The following LRBA variants were observed in gnomAD, a reference collection of about 807,000 sequenced individuals.
LRBA encodes LPS responsive beige-like anchor protein.
LRBA carries 176 observed loss-of-function variants against 330.0 expected under a neutral mutation model. The ratio of observed to expected loss-of-function variants is 0.53; its 90% CI spans 0.47 to 0.60. The LOEUF is 0.60. LRBA is among the 20% of genes least tolerant of loss of function. LRBA has a pLI of 0.00. For synonymous variants in LRBA, 1,230 were observed against 1,193.0 expected, an observed-to-expected ratio of 1.03 and a Z score of -0.64; for missense variants, 3,259 against 3,444.8, an observed-to-expected ratio of 0.95 and a Z score of 1.35.
At chr4:150,767,173 T>C (rs1238786277) in intron 34 of LRBA, among the ~76,000 whole-genome samples, 1 of 152,136 alleles carries the variant, frequency 6.6e-6, no homozygotes, top group East Asian at 1.9e-4. Context: ...AAGATACCAA[T>C]TAACACACTA....
chr4:150,846,531 A>G (rs1258818954), intron 26 of LRBA, among the ~76,000 whole-genome samples: 1 of 147,272 alleles, frequency 6.8e-6, no homozygotes, highest in Non-Finnish European at 1.5e-5. Context: ...TCCATCTCCA[A>G]AAAAAAAAAA....
chr4:150,938,443 A>T (rs555887673), intron 2 of LRBA, among the ~76,000 whole-genome samples: 1 of 152,168 alleles, frequency 6.6e-6, no homozygotes, highest in Admixed American at 6.5e-5. Flanking sequence ...CTCCCAGGTT[A>T]TATTTCCTTC....
At chr4:150,694,383 A>G (rs566266828) in intron 36 of LRBA, among the ~76,000 whole-genome samples, 2 of 137,022 alleles carry the variant, frequency 1.5e-5, no homozygotes, top group Non-Finnish European at 3.1e-5. Context: ...CTTCAGGGAC[A>G]ATAAATGAAG....
At position 150,710,483 on chromosome 4, in the gene LRBA, C is replaced by A. The variant is rs573047860; in HGVS notation, c.5754+24775G>T. Among the ~76,000 whole-genome samples the A allele has an allele frequency of 4.6e-5, 7 of 151,768 alleles. No individual in the cohort carries two copies. In the South Asian group the frequency reaches 1.0e-3, roughly 23 times the overall value. On this transcript the variant is annotated intron_variant, in intron 36 of 56. Coordinates refer to ENST00000651943, the MANE Select transcript of LRBA (RefSeq NM_001364905.1). ...AAATCAGAAAGTTTTAGATAATAAACAAATGCTAACAAAAATAGGGGGAAG... is the reference window on the plus strand; with the variant it reads ...AAATCAGAAAGTTTTAGATAATAAAAAAATGCTAACAAAAATAGGGGGAAG...
chr4:150,847,492 T>A (rs1337618472), intron 26 of LRBA, among the ~76,000 whole-genome samples: 2 of 152,192 alleles, frequency 1.3e-5, no homozygotes, highest in Non-Finnish European at 2.9e-5. Context: ...CAGGTATACA[T>A]TAGTTTATGT....
At chr4:150,643,864 T>G (rs1778900123) in intron 37 of LRBA, among the ~76,000 whole-genome samples, 1 of 152,032 alleles carries the variant, frequency 6.6e-6, no homozygotes. Context: ...GAATAAATTT[T>G]TATTGGAACA....
chr4:150,903,201 G>T (rs1302768570), intron 13 of LRBA, among the ~76,000 whole-genome samples: 1 of 152,078 alleles, frequency 6.6e-6, no homozygotes, highest in Non-Finnish European at 1.5e-5. Context: ...AAACAACAAA[G>T]CAAGACCCTA....
At chr4:150,923,003 G>A (rs917438085) in intron 4 of LRBA, among the ~76,000 whole-genome samples, 8 of 151,998 alleles carry the variant, frequency 5.3e-5, no homozygotes, top group African/African-American at 1.9e-4. Context: ...CTATACAGAT[G>A]CTCCTCAACT....
intron 40 of LRBA, among the ~76,000 whole-genome samples, chr4:150,525,901 G>A (rs947668731): frequency 6.6e-6 from 1 of 151,692 alleles, no homozygotes; most frequent in Non-Finnish European, 1.5e-5. Context: ...CTTCAATCTT[G>A]CTATTAGAAG....
chr4:150,724,101 C>A (rs906114580), intron 36 of LRBA, among the ~76,000 whole-genome samples: 1 of 152,180 alleles, frequency 6.6e-6, no homozygotes, highest in African/African-American at 2.4e-5. Flanking sequence ...CCAGACAGCA[C>A]TTTGGACATT....
chr4:150,773,438 A>G (rs1176206749), intron 34 of LRBA, among the ~76,000 whole-genome samples: 1 of 152,232 alleles, frequency 6.6e-6, no homozygotes, highest in African/African-American at 2.4e-5. Flanking sequence ...CATTGAAACC[A>G]CATCTGGTAC....
chr4:150,885,060 T>C (rs924426507), intron 17 of LRBA, among the ~76,000 whole-genome samples: 1 of 151,628 alleles, frequency 6.6e-6, no homozygotes, highest in Non-Finnish European at 1.5e-5. Flanking sequence ...AGATGGCAAA[T>C]AAAGAATCTG....
intron 2 of LRBA, among the ~76,000 whole-genome samples, chr4:150,989,810 A>G (rs1741871528): frequency 1.3e-5 from 2 of 151,962 alleles, no homozygotes; most frequent in African/African-American, 4.8e-5. Flanking sequence ...TTTGGCACTA[A>G]TATACAAAAG....
intron 2 of LRBA, among the ~76,000 whole-genome samples, chr4:150,982,993 T>C (rs901142097): frequency 1.3e-5 from 2 of 152,096 alleles, no homozygotes; most frequent in Non-Finnish European, 2.9e-5. Flanking sequence ...AACTTTCTGA[T>C]CACCTGAGCC....
At chr4:150,900,248 C>A in intron 13 of LRBA, 31 bp from the exon 14 acceptor site, 1 of 1,539,096 alleles carries the variant, frequency 6.5e-7, no homozygotes, top group Non-Finnish European at 8.9e-7. Context: ...ACTTAGAGAA[C>A]CCCACCAGCA....
In LRBA at chr4:150,380,003, T is replaced by TAA. The variant is rs371691815; in HGVS notation, c.7195-29846_7195-29845dup. Among the ~76,000 whole-genome samples the TAA allele has an allele frequency of 2.9e-3, 334 of 115,180 alleles. 5 individuals are homozygous for TAA. In the East Asian group the frequency reaches 0.034, roughly 12 times the overall value. The allele number at this position is 115,180 out of a possible 152,430, so 75.6% of individuals were successfully genotyped here. On this transcript the variant is annotated intron_variant, in intron 47 of 56. Transcript: ENST00000651943. The stretch of plus-strand genomic sequence containing the variant: ...CATGGAGAAACCCCATTTCTACTAC[T>TAA]AAAAAAAAAAAAAAAAAAAAAAAAA...
intron 35 of LRBA, among the ~76,000 whole-genome samples, chr4:150,741,255 G>C (rs1731931330): frequency 6.6e-6 from 1 of 151,832 alleles, no homozygotes; most frequent in African/African-American, 2.4e-5. Flanking sequence ...AATATACTTG[G>C]AAAAATTACA....
intron 22 of LRBA, 78 bp downstream of exon 22, chr4:150,867,593 C>T (rs915045954): frequency 2.2e-5 from 26 of 1,183,066 alleles, no homozygotes; most frequent in Admixed American, 1.3e-4. Context: ...TTTTAAGTAT[C>T]GAAATTTTTT....
intron 35 of LRBA, among the ~76,000 whole-genome samples, chr4:150,737,183 A>C (rs1731291920): frequency 6.6e-6 from 1 of 152,192 alleles, no homozygotes; most frequent in African/African-American, 2.4e-5. Flanking sequence ...ACACCATGGC[A>C]CTTCAGCCTG....
Sources: allele counts gnomAD v4.1 joint callset (sites outside exome capture counted in the v4.1 genomes callset), GRCh38; gene constraint gnomAD v4.1.1; transcripts MANE v1.5; gene names NCBI Gene and HGNC (gene_info 2026-07-23, HGNC 2026-07-21).